PSD4: variants seen among roughly 807,000 people sequenced by gnomAD.
The protein encoded by PSD4 is pleckstrin and Sec7 domain containing 4.
PSD4 carries 59 observed loss-of-function variants against 112.5 expected under a neutral mutation model. The observed-to-expected ratio is 0.52, with a 90% CI of 0.43 to 0.65. The LOEUF is 0.65. Ranked by LOEUF, PSD4 falls within the 30% of genes least tolerant of loss-of-function variation. The pLI is 0.00. For synonymous variants in PSD4, 533 were observed against 540.0 expected (o/e 0.99, Z 0.18); for missense variants, 1,267 against 1,352.6 (o/e 0.94, Z 0.99).
chr2:113,185,733 G>A lies in PSD4; in HGVS notation c.1250-144G>A, dbSNP rs1298505091. 1.9e-6 allele frequency: 3 copies of A among 1,549,596 alleles called. No homozygotes were observed. The South Asian group carries it at 3.6e-5, about 19-fold the overall frequency. Reference sequence around the variant, plus strand: ...CCCGCTGTCTGCTGCCTCTGCAAGTGGGAGAGGTCACTGCCCGAGGGAGGA... The same window carrying A: ...CCCGCTGTCTGCTGCCTCTGCAAGTAGGAGAGGTCACTGCCCGAGGGAGGA... On this transcript the variant is annotated intron_variant, in intron 4 of 16. Coordinates refer to ENST00000245796, the MANE Select transcript of PSD4 (RefSeq NM_012455.3).
chr2:113,185,311 T>C lies in PSD4; in HGVS notation c.1174-54T>C. ...TTCTCCCTGCCTGGCCTCTCCCCCA[T>C]CCACCTCTCTGTGTATCCAGGGCTC... On this transcript the variant is annotated intron_variant, in intron 3 of 16. Coordinates refer to ENST00000245796, the MANE Select transcript of PSD4 (RefSeq NM_012455.3). 4 of 1,606,430 alleles carry C rather than the reference T, an allele frequency of 2.5e-6. No individual in the cohort carries two copies. The South Asian group carries it at 3.3e-5, about 13-fold the overall frequency.
At chr2:113,180,770 G>T (rs1688109894) in intron 1 of PSD4, among the ~76,000 whole-genome samples, 1 of 152,168 alleles carries the variant, frequency 6.6e-6, no homozygotes, top group African/African-American at 2.4e-5. Context: ...TTGTTCTTGG[G>T]TATCTGGAAG....
chr2:113,180,809 T>A (rs1225611442), intron 1 of PSD4, among the ~76,000 whole-genome samples: 1 of 152,156 alleles, frequency 6.6e-6, no homozygotes, highest in Non-Finnish European at 1.5e-5. Context: ...TGGGAGCATG[T>A]GTGTGTTTGT....
chr2:113,175,735 G>A (rs1687956900), intron 1 of PSD4, among the ~76,000 whole-genome samples: 1 of 152,206 alleles, frequency 6.6e-6, no homozygotes, highest in African/African-American at 2.4e-5. Flanking sequence ...AAGGTTCAGG[G>A]CTGACTCCTT....
At chr2:113,196,626 G>T (rs1573375232) in intron 12 of PSD4, 2 of 257,738 alleles carry the variant, frequency 7.8e-6, no homozygotes, top group East Asian at 1.5e-4. Flanking sequence ...TCTAGGGGCT[G>T]AATCAAGTGA....
chr2:113,185,294 G>A, intron 3 of PSD4, 71 bp from the exon 4 acceptor site: 1 of 1,592,972 alleles, frequency 6.3e-7, no homozygotes, highest in South Asian at 1.1e-5. Flanking sequence ...CCTTCTCCCT[G>A]CCTGGCCTCT....
rs1301832134 is a variant in PSD4 at position 113,200,713 on chromosome 2, G to GT, written c.2914-444dup. Among the ~76,000 whole-genome samples, 3 of 152,344 alleles carry GT rather than the reference G, an allele frequency of 2.0e-5. No homozygotes were observed. In the East Asian group the frequency reaches 5.8e-4, roughly 29 times the overall value. On this transcript the variant is annotated intron_variant, in intron 16 of 16. Coordinates refer to ENST00000245796, the MANE Select transcript of PSD4 (RefSeq NM_012455.3). ...GATGCTAGCTGCAGGGGCCTCAGGA[G>GT]TACAGTGTTAAGTAGATGAGGGTAG...
chr2:113,185,222 G>A, intron 3 of PSD4, 143 bp from the exon 4 acceptor site: 1 of 1,544,752 alleles, frequency 6.5e-7, no homozygotes, highest in East Asian at 2.3e-5. Context: ...CTCCAGCCTG[G>A]GTGGGAGGAG....
At chr2:113,177,892 G>T (rs1176415556) in intron 1 of PSD4, among the ~76,000 whole-genome samples, 1 of 152,202 alleles carries the variant, frequency 6.6e-6, no homozygotes, top group Non-Finnish European at 1.5e-5. Context: ...GCGAGGGGTG[G>T]AGTATAGTCA....
chr2:113,190,425 A>G (rs1206533859), intron 5 of PSD4, among the ~76,000 whole-genome samples: 1 of 152,136 alleles, frequency 6.6e-6, no homozygotes, highest in Non-Finnish European at 1.5e-5. Context: ...ATTCTATTTC[A>G]AAACAGCTGT....
chr2:113,203,573 T>TTTC lies in PSD4; in HGVS notation c.*2160_*2161insCTT, dbSNP rs1374293768. On this transcript the variant is annotated 3_prime_UTR_variant, in exon 17 of 17. Transcript: ENST00000245796. ...TCCTTTTTTTTTTTTTTTTTTTTTT[T>TTTC]TTTTTTTGGAGACGGAGTTTCGCTC... The TTTC allele has an allele frequency of 5.1e-5, 3 of 59,098 alleles. No individual in the cohort carries two copies. The highest frequency in any genetic ancestry group is 1.1e-4 in the Non-Finnish European group (3 of 27,646). 3.7% of individuals were successfully genotyped at this position (59,098 alleles called of 1,614,324 possible). A position where few individuals can be genotyped will look rare whatever the true frequency, so the allele number is the denominator to read the frequency against.
In PSD4 at chr2:113,185,770, G is replaced by C. The variant is rs760235676; in HGVS notation, c.1250-107G>C. ...TGCCCGAGGGAGGACAGGGCATGCT[G>C]CCAGGCTCCAGGGGAGGAGCCCCAG... On this transcript the variant is annotated intron_variant, in intron 4 of 16. Transcript: ENST00000245796. The C allele has an allele frequency of 1.0e-5, 16 of 1,550,644 alleles. No individual in the cohort carries two copies. The East Asian group carries it at 3.4e-4, about 33-fold the overall frequency.
chr2:113,186,565 G>C (rs576967985), intron 5 of PSD4, among the ~76,000 whole-genome samples: 1 of 152,208 alleles, frequency 6.6e-6, no homozygotes, highest in Non-Finnish European at 1.5e-5. Flanking sequence ...CAGGGAACCT[G>C]AGCAAGGGCG....
At chr2:113,196,796 GC>G (rs1268124073) in intron 12 of PSD4, among the ~76,000 whole-genome samples, 1 of 152,196 alleles carries the variant, frequency 6.6e-6, no homozygotes. Flanking sequence ...AAAACAGCAA[GC>G]CGAGTTTGCT....
rs1375702111 is a variant in PSD4 at position 113,183,532 on chromosome 2, C to T, written c.1056+20C>T. Reference sequence around the variant, plus strand: ...AGTGAGGTAAGCCCAGTCTTGGGAACCAACCGGGGCTGTGCTGGGAACACA... The same window carrying T: ...AGTGAGGTAAGCCCAGTCTTGGGAATCAACCGGGGCTGTGCTGGGAACACA... On this transcript the variant is annotated intron_variant, in intron 2 of 16. Coordinates refer to ENST00000245796, the MANE Select transcript of PSD4 (RefSeq NM_012455.3). 2 of 1,522,080 alleles carry T rather than the reference C, an allele frequency of 1.3e-6. No homozygotes were observed. The highest frequency in any genetic ancestry group is 1.8e-6 in the Non-Finnish European group (2 of 1,131,988). 94.3% of individuals were successfully genotyped at this position (1,522,080 alleles called of 1,614,324 possible). A position where few individuals can be genotyped will look rare whatever the true frequency, so the allele number is the denominator to read the frequency against.
At chr2:113,197,511 G>A (rs1384431272) in intron 12 of PSD4, 53 bp from the exon 13 acceptor site, 1 of 1,602,036 alleles carries the variant, frequency 6.2e-7, no homozygotes, top group East Asian at 2.2e-5. Flanking sequence ...GTCTGAGTGT[G>A]TCTGGATGCT....
At chr2:113,185,238 A>C (rs940929624) in intron 3 of PSD4, 127 bp from the exon 4 acceptor site, 4 of 1,543,762 alleles carry the variant, frequency 2.6e-6, no homozygotes, top group Non-Finnish European at 1.8e-6. Flanking sequence ...AGGAGGATGG[A>C]GGGGCTTCTG....
intron 1 of PSD4, 30 bp from the exon 2 acceptor site, chr2:113,182,316 C>G: frequency 3.7e-6 from 3 of 814,168 alleles, no homozygotes; most frequent in Non-Finnish European, 5.8e-6. Flanking sequence ...CAGCCCTTCC[C>G]TAACCTGCAC....
chr2:113,201,066 T>G, intron 16 of PSD4, 92 bp from the exon 17 acceptor site: 1 of 1,503,960 alleles, frequency 6.6e-7, no homozygotes, highest in Admixed American at 2.1e-5. Flanking sequence ...TCGCCATAGC[T>G]TCATGTACCT....
Sources: gnomAD v4.1 joint callset for allele counts (sites outside exome capture counted in the v4.1 genomes callset) on GRCh38, gnomAD v4.1.1 for gene constraint, MANE v1.5 for transcripts, NCBI Gene and HGNC (gene_info 2026-07-23, HGNC 2026-07-21) for gene names.